The following ROCK2 variants were observed in gnomAD, a reference collection of about 807,000 sequenced individuals.
ROCK2 encodes the protein Rho associated coiled-coil containing protein kinase 2.
In ROCK2, 61 loss-of-function variants were observed where a neutral mutation model predicts 195.1. That is an observed-to-expected ratio of 0.31 (90% CI 0.25 to 0.39). The LOEUF is 0.39. Ranked by LOEUF, ROCK2 falls within the 10% of genes least tolerant of loss-of-function variation. The pLI is 1.00. For synonymous variants in ROCK2, 504 were observed against 545.5 expected (o/e 0.92, Z 1.06); for missense variants, 1,109 against 1,637.4 (o/e 0.68, Z 5.57).
chr2:11,327,644 T>C (rs4669711), intron 1 of ROCK2, among the ~76,000 whole-genome samples: 123,038 of 152,150 alleles, frequency 0.81, 51,340 homozygotes, highest in East Asian at 0.99. Flanking sequence ...CTCACTGAAA[T>C]CTCCACCTCC....
At chr2:11,204,155 T>C (rs1271047422) in intron 20 of ROCK2, among the ~76,000 whole-genome samples, 1 of 152,202 alleles carries the variant, frequency 6.6e-6, no homozygotes, top group African/African-American at 2.4e-5. Flanking sequence ...ATTTGTGTTT[T>C]ATCTTTTGGT....
chr2:11,344,588 G>A lies in ROCK2; in HGVS notation c.-452C>T, dbSNP rs1046515611. 4.5e-6 allele frequency: 3 copies of A among 670,094 alleles called. No individual in the cohort carries two copies. The highest frequency in any genetic ancestry group is 5.5e-6 in the Non-Finnish European group (3 of 546,418). 41.5% of individuals were successfully genotyped at this position (670,094 alleles called of 1,614,324 possible). A position where few individuals can be genotyped will look rare whatever the true frequency, so the allele number is the denominator to read the frequency against. ...CATGGTCGCCGCCGGCCGCCTTGCAGTCCCTCAGCCAGCTCCCGGCGCACA... is the reference window on the plus strand; with the variant it reads ...CATGGTCGCCGCCGGCCGCCTTGCAATCCCTCAGCCAGCTCCCGGCGCACA... On this transcript the variant is annotated 5_prime_UTR_variant, in exon 1 of 33. Coordinates refer to ENST00000315872, the MANE Select transcript of ROCK2 (RefSeq NM_004850.5). This position sits in a 1 kb window ranked among gnomAD's most constrained non-coding sequence, Gnocchi z 5.4.
At chr2:11,187,461 C>A (rs1032368014) in intron 32 of ROCK2, among the ~76,000 whole-genome samples, 1 of 152,190 alleles carries the variant, frequency 6.6e-6, no homozygotes, top group African/African-American at 2.4e-5. Flanking sequence ...TGATTCCAGG[C>A]ATCCACTGGG....
chr2:11,205,489 C>T (rs1664016662), intron 20 of ROCK2, among the ~76,000 whole-genome samples: 1 of 151,816 alleles, frequency 6.6e-6, no homozygotes, highest in South Asian at 2.1e-4. Flanking sequence ...TTTTTTAATT[C>T]CTTTACTAGA....
chr2:11,344,499 C>G lies in ROCK2; in HGVS notation c.-363G>C, dbSNP rs1669223784. Reference sequence around the variant, plus strand: ...ACCGCCGCGGCCCGGACCGCCCCGCCCTCTGGGGCCCCGGGAGGCTGAAGC... The same window carrying G: ...ACCGCCGCGGCCCGGACCGCCCCGCGCTCTGGGGCCCCGGGAGGCTGAAGC... On this transcript the variant is annotated 5_prime_UTR_variant, in exon 1 of 33. Coordinates refer to ENST00000315872, the MANE Select transcript of ROCK2 (RefSeq NM_004850.5). The surrounding 1 kb of genome is among the most constrained non-coding windows in gnomAD (Gnocchi z 5.4). 1 of 990,680 alleles carries G rather than the reference C, an allele frequency of 1.0e-6. No homozygotes were observed. The highest frequency in any genetic ancestry group is 4.7e-5 in the South Asian group (1 of 21,382). The allele number at this position is 990,680 out of a possible 1,614,324, so 61.4% of individuals were successfully genotyped here. A position where few individuals can be genotyped will look rare whatever the true frequency, so the allele number is the denominator to read the frequency against.
At chr2:11,264,424 T>C (rs755136253) in intron 3 of ROCK2, among the ~76,000 whole-genome samples, 1 of 152,200 alleles carries the variant, frequency 6.6e-6, no homozygotes, top group Non-Finnish European at 1.5e-5. Flanking sequence ...TGACTCCTAA[T>C]TTTTTGACTT....
chr2:11,317,612 A>ATATATATATATATATT (rs59701503), intron 1 of ROCK2, among the ~76,000 whole-genome samples: 5 of 19,308 alleles, frequency 2.6e-4, no homozygotes, highest in African/African-American at 4.8e-4. Flanking sequence ...ATATATATAT[A>ATATATATATATATATT]TTTTTTTTTT....
intron 1 of ROCK2, among the ~76,000 whole-genome samples, chr2:11,313,306 A>T (rs2148234219): frequency 6.6e-6 from 1 of 152,208 alleles, no homozygotes; most frequent in South Asian, 2.1e-4. Flanking sequence ...TATTAACTAA[A>T]GACAAATTAA....
At position 11,201,742 on chromosome 2, in the gene ROCK2, A is replaced by G. The variant is rs1324949525; in HGVS notation, c.2619+310T>C. On this transcript the variant is annotated intron_variant, in intron 21 of 32. Transcript: ENST00000315872. The surrounding 1 kb of genome is among the most constrained non-coding windows in gnomAD (Gnocchi z 4.6). The stretch of plus-strand genomic sequence containing the variant: ...AAATGTTATTGGCTTAAATCAATAA[A>G]ACAGGAGTTTCTACTTCATATTTTT... Among the ~76,000 whole-genome samples the G allele has an allele frequency of 6.6e-6, 1 of 152,242 alleles. No individual in the cohort carries two copies. The highest frequency in any genetic ancestry group is 2.4e-5 in the African/African-American group (1 of 41,466).
intron 32 of ROCK2, among the ~76,000 whole-genome samples, chr2:11,189,234 TGACTAATGCTAA>T (rs1663324158): frequency 6.6e-6 from 1 of 152,196 alleles, no homozygotes; most frequent in Non-Finnish European, 1.5e-5. Flanking sequence ...AAAGCTAGAT[TGACTAATGCTAA>T]GACTAATATT....
intron 9 of ROCK2, 22 bp from the exon 10 acceptor site, chr2:11,219,048 ATAAATTTTTTCATTTCAT>A (rs1664531630): frequency 7.4e-7 from 1 of 1,347,440 alleles, no homozygotes; most frequent in Admixed American, 2.3e-5. Flanking sequence ...GGGGGAGAAA[ATAAATTTTTTCATTTCAT>A]TTTAATCTAT....
intron 27 of ROCK2, chr2:11,195,353 A>G (rs1663591989): frequency 6.0e-6 from 1 of 165,386 alleles, no homozygotes; most frequent in African/African-American, 2.4e-5. Flanking sequence ...GCAACTCTCT[A>G]TTCTCACTGG....
intron 3 of ROCK2, among the ~76,000 whole-genome samples, chr2:11,265,569 G>A (rs1451038651): frequency 6.6e-6 from 1 of 152,120 alleles, no homozygotes; most frequent in Non-Finnish European, 1.5e-5. Context: ...TCACCAAGCA[G>A]TGAAACGATA....
intron 18 of ROCK2, among the ~76,000 whole-genome samples, 200 bp downstream of exon 18, chr2:11,211,481 T>C (rs183031135): frequency 7.9e-5 from 12 of 152,338 alleles, no homozygotes; most frequent in Admixed American, 2.0e-4. Flanking sequence ...TGGGTCTTAC[T>C]ATCTTAGAAA....
At chr2:11,221,479 CCA>C (rs1212906377) in intron 8 of ROCK2, 122 bp from the exon 9 acceptor site, 1 of 628,352 alleles carries the variant, frequency 1.6e-6, no homozygotes, top group Admixed American at 4.2e-5. Context: ...AGCGCATTTG[CCA>C]TTTTATCGAT....
chr2:11,221,386 C>T, intron 8 of ROCK2, 29 bp from the exon 9 acceptor site: 1 of 1,480,446 alleles, frequency 6.8e-7, no homozygotes, highest in South Asian at 1.4e-5. Flanking sequence ...TAAATTATTT[C>T]ATTCACAACC....
chr2:11,278,833 C>T (rs1355779078), intron 3 of ROCK2, among the ~76,000 whole-genome samples: 8 of 152,078 alleles, frequency 5.3e-5, no homozygotes, highest in Non-Finnish European at 5.9e-5. Flanking sequence ...AGGCTGGTCT[C>T]GAATTCCTGA....
chr2:11,317,600 ATATATATATATATTTT>A lies in ROCK2; in HGVS notation c.141+26380_141+26395del, dbSNP rs1348488218. 1.6e-3 allele frequency among the ~76,000 whole-genome samples: 26 copies of A among 16,592 alleles called. 4 individuals carry two copies. The highest frequency in any genetic ancestry group is 4.7e-3 in the African/African-American group (26 of 5,564). The allele number at this position is 16,592 out of a possible 152,430, so 10.9% of individuals were successfully genotyped here. A position where few individuals can be genotyped will look rare whatever the true frequency, so the allele number is the denominator to read the frequency against. On this transcript the variant is annotated intron_variant, in intron 1 of 32. Coordinates refer to ENST00000315872, the MANE Select transcript of ROCK2 (RefSeq NM_004850.5). ...TTTATATATATATATATATATATATATATATATATATATTTTTTTTTTTTTTTAATTATACTTTAAG... is the reference window on the plus strand; with the variant it reads ...TTTATATATATATATATATATATATATTTTTTTTTTTAATTATACTTTAAG...
At position 11,194,290 on chromosome 2, in the gene ROCK2, C is replaced by A; in HGVS notation, c.3574G>T (p.Glu1192Ter). ...AAAACCATGTAAGGATTGGATTGTT[C>A]TTTATCTTGTTCACTGTCATAGAAA... ...ILFYDSEQDK[E>*]QSNPYMVLDI... Residue 1192 changes from glutamate to a stop codon, truncating the protein, a stop_gained, in exon 29 of 33, where the codon GAA becomes TAA. Coordinates refer to ENST00000315872, the MANE Select transcript of ROCK2 (RefSeq NM_004850.5). LOFTEE classifies it high-confidence loss of function. The A allele has an allele frequency of 6.8e-7, 1 of 1,475,126 alleles. No individual in the cohort carries two copies. The highest frequency in any genetic ancestry group is 1.4e-5 in the African/African-American group (1 of 71,590). The allele number at this position is 1,475,126 out of a possible 1,614,324, so 91.4% of individuals were successfully genotyped here.
Sources: allele counts gnomAD v4.1 joint callset (sites outside exome capture counted in the v4.1 genomes callset), GRCh38; gene constraint gnomAD v4.1.1; non-coding constraint Gnocchi (gnomAD v3.1); transcripts MANE v1.5; gene names NCBI Gene and HGNC (gene_info 2026-07-23, HGNC 2026-07-21).